The following COMMD1 variants were observed in gnomAD, a reference collection of about 807,000 sequenced individuals.
COMMD1 encodes COMM domain-containing protein 1.
COMMD1 carries 10 observed loss-of-function variants against 17.2 expected under a neutral mutation model. That is an observed-to-expected ratio of 0.58 (90% confidence interval 0.36 to 0.99). The LOEUF (loss-of-function observed/expected upper bound fraction) is 0.99. Among genes scored for constraint, COMMD1 ranks in the 50% least tolerant of loss-of-function variants. The pLI is 0.01. For synonymous variants in COMMD1, 97 were observed against 91.6 expected (o/e 1.06, Z -0.34); for missense variants, 270 against 231.8 (o/e 1.17, Z -1.07).
chr2:61,994,415 A>G (rs558719638), intron 1 of COMMD1, among the ~76,000 whole-genome samples: 71 of 152,288 alleles, frequency 4.7e-4, no homozygotes, highest in African/African-American at 1.7e-3. Context: ...TGTAATATTT[A>G]CCATATAATT....
At chr2:61,990,941 T>C (rs1001163569) in intron 1 of COMMD1, among the ~76,000 whole-genome samples, 125 of 57,942 alleles carry the variant, frequency 2.2e-3, no homozygotes, top group South Asian at 0.012. Flanking sequence ...CACACACACA[T>C]AATGCCAGGC....
intron 2 of COMMD1, among the ~76,000 whole-genome samples, chr2:62,109,569 G>A (rs567322813): frequency 6.6e-6 from 1 of 152,194 alleles, no homozygotes; most frequent in African/African-American, 2.4e-5. Context: ...AGAAAGTCAG[G>A]CTCCAAGAGT....
At chr2:62,033,547 C>G (rs1558570523) in intron 2 of COMMD1, among the ~76,000 whole-genome samples, 2 of 151,870 alleles carry the variant, frequency 1.3e-5, no homozygotes. Context: ...AGTACAAGAC[C>G]AGGCTGGGCA....
At chr2:62,132,141 C>T (rs1218555510) in intron 2 of COMMD1, among the ~76,000 whole-genome samples, 3 of 152,186 alleles carry the variant, frequency 2.0e-5, no homozygotes, top group African/African-American at 7.2e-5. Context: ...CCCGCCTTGG[C>T]TTCCCAAAGT....
At chr2:61,961,084 T>G (rs1253818335) in intron 1 of COMMD1, among the ~76,000 whole-genome samples, 2 of 152,200 alleles carry the variant, frequency 1.3e-5, no homozygotes, top group African/African-American at 4.8e-5. Context: ...AGCCCCACGT[T>G]GGAGCACCAA....
chr2:61,996,339 T>C (rs948750328), intron 1 of COMMD1, among the ~76,000 whole-genome samples: 3 of 151,876 alleles, frequency 2.0e-5, no homozygotes, highest in African/African-American at 7.3e-5. Context: ...TGTGTGTGTG[T>C]GTGTGTGTGT....
In COMMD1 at chr2:62,020,463, T is replaced by C. The variant is rs143836274; in HGVS notation, c.462+19481T>C. ...CAGCTGTGTAGATTCCTCTATCCAC[T>C]TCCAACCTGTAGATGTTTGGGAGTC... On this transcript the variant is annotated intron_variant, in intron 2 of 2. Coordinates refer to ENST00000311832, the MANE Select transcript of COMMD1 (RefSeq NM_152516.4). Among the ~76,000 whole-genome samples the C allele has an allele frequency of 2.4e-3, 363 of 151,974 alleles. 3 individuals carry two copies. Among genetic ancestry groups the C allele is most frequent in the African/African-American group, 8.4e-3 (347 of 41,452 alleles).
At chr2:61,962,737 A>T (rs1295051633) in intron 1 of COMMD1, among the ~76,000 whole-genome samples, 2 of 152,090 alleles carry the variant, frequency 1.3e-5, no homozygotes, top group Non-Finnish European at 2.9e-5. Flanking sequence ...CACCTGTGTG[A>T]TAGGTGGGTG....
intron 1 of COMMD1, among the ~76,000 whole-genome samples, chr2:61,916,823 C>T (rs576948723): frequency 3.0e-4 from 46 of 152,274 alleles, no homozygotes; most frequent in Admixed American, 1.2e-3. Context: ...TTGTACCCAG[C>T]ACTCGAAGTT....
chr2:61,910,929 C>A (rs1411877884), intron 1 of COMMD1, among the ~76,000 whole-genome samples: 1 of 151,478 alleles, frequency 6.6e-6, no homozygotes, highest in Admixed American at 6.6e-5. Context: ...ACTAAAAATA[C>A]AAAATTAGCC....
At chr2:61,949,027 G>A (rs960669238) in intron 1 of COMMD1, among the ~76,000 whole-genome samples, 4 of 152,256 alleles carry the variant, frequency 2.6e-5, no homozygotes. Context: ...CAGTTACTCA[G>A]GAGGTGGAGG....
intron 1 of COMMD1, among the ~76,000 whole-genome samples, chr2:61,979,152 C>T (rs1242527835): frequency 2.0e-5 from 3 of 152,092 alleles, no homozygotes; most frequent in Non-Finnish European, 4.4e-5. Context: ...CATCTGTCTA[C>T]CCTCTTTCTC....
intron 2 of COMMD1, among the ~76,000 whole-genome samples, chr2:62,032,502 C>T (rs1165599384): frequency 6.6e-6 from 1 of 152,144 alleles, no homozygotes; most frequent in Admixed American, 6.5e-5. Context: ...TGCCACCGCA[C>T]TCCAGCATGG....
chr2:61,953,894 T>C (rs1003638128), intron 1 of COMMD1, among the ~76,000 whole-genome samples: 3 of 152,118 alleles, frequency 2.0e-5, no homozygotes, highest in Non-Finnish European at 4.4e-5. Flanking sequence ...TGCATTTCTC[T>C]AGCAACCTGA....
At chr2:62,116,143 G>A (rs1466482560) in intron 2 of COMMD1, among the ~76,000 whole-genome samples, 2 of 151,942 alleles carry the variant, frequency 1.3e-5, no homozygotes, top group Non-Finnish European at 2.9e-5. Context: ...CACTGCACCC[G>A]GCCCTGTTGT....
At chr2:61,890,256 T>A (rs901141182) in intron 1 of COMMD1, among the ~76,000 whole-genome samples, 2 of 152,140 alleles carry the variant, frequency 1.3e-5, no homozygotes, top group African/African-American at 4.8e-5. Context: ...AGTTTCACTC[T>A]TGTTGCCCAG....
intron 1 of COMMD1, among the ~76,000 whole-genome samples, chr2:61,926,536 A>G (rs531293552): frequency 6.6e-6 from 1 of 152,336 alleles, no homozygotes; most frequent in East Asian, 1.9e-4. Context: ...GATCTGAGGC[A>G]TCATACAGTT....
At chr2:61,950,143 C>G (rs956658335) in intron 1 of COMMD1, among the ~76,000 whole-genome samples, 3 of 152,308 alleles carry the variant, frequency 2.0e-5, no homozygotes, top group Admixed American at 1.3e-4. Context: ...AGCAGAAGCT[C>G]TTAACATGCT....
At chr2:62,105,352 T>C (rs1291864999) in intron 2 of COMMD1, among the ~76,000 whole-genome samples, 1 of 152,130 alleles carries the variant, frequency 6.6e-6, no homozygotes, top group African/African-American at 2.4e-5. Context: ...TTTCAGATTA[T>C]TTAGCGATAA....
Sources: allele counts gnomAD v4.1 joint callset (sites outside exome capture counted in the v4.1 genomes callset), GRCh38; gene constraint gnomAD v4.1.1; transcripts MANE v1.5; gene names NCBI Gene and HGNC (gene_info 2026-07-23, HGNC 2026-07-21).